Variants in ZNF66 observed in about 807,000 individuals in gnomAD.
ZNF66 encodes zinc finger protein 66.
In ZNF66, 32 loss-of-function variants were observed where a neutral mutation model predicts 35.2. The observed-to-expected ratio is 0.91, with a 90% confidence interval of 0.69 to 1.22. The LOEUF (loss-of-function observed/expected upper bound fraction) is 1.22, where lower values mean the gene tolerates loss of function less well. Among genes scored for constraint, ZNF66 ranks in the 50% most tolerant of loss-of-function variants. The pLI, the probability that ZNF66 is intolerant of heterozygous loss-of-function variation, is 0.00. For missense variants in ZNF66, 666 were observed against 543.1 expected, an observed-to-expected ratio of 1.23 and a Z score of -2.25; for synonymous variants, 231 against 181.3, an observed-to-expected ratio of 1.27 and a Z score of -2.20.
chr19:20,799,508 GT>G (rs1491020355), intron 3 of ZNF66: 1 of 139,562 alleles, frequency 7.2e-6, no homozygotes, highest in African/African-American at 2.6e-5. Context: ...TTGGTATTGT[GT>G]TTTTTGTTTT....
rs1372304790 is a variant in ZNF66 at position 20,808,149 on chromosome 19, G to C, written c.*827G>C. On this transcript the variant is annotated 3_prime_UTR_variant, in exon 4 of 4. Coordinates refer to ENST00000344519, the MANE Select transcript of ZNF66 (RefSeq NM_001355197.2). ...AGATCAAACTGCAAGGCAGCAGCGA[G>C]GCTGGGGGAGGAGCGCCTGCCATTG... Among the ~76,000 whole-genome samples the C allele has an allele frequency of 1.3e-5, 2 of 152,204 alleles. No homozygotes were observed. Among genetic ancestry groups the C allele is most frequent in the African/African-American group, 4.8e-5 (2 of 41,466 alleles).
chr19:20,792,720 C>A, intron 2 of ZNF66, 82 bp downstream of exon 2: 1 of 841,582 alleles, frequency 1.2e-6, no homozygotes, highest in African/African-American at 1.8e-5. Context: ...GTAATTTATT[C>A]TTTTTATAAA....
At position 20,805,833 on chromosome 19, in the gene ZNF66, G is replaced by GTT. The variant is rs1971497235; in HGVS notation, c.234_235dup (p.Ser79PhefsTer14). On this transcript the variant is annotated frameshift_variant, in exon 4 of 4. Coordinates refer to ENST00000344519, the MANE Select transcript of ZNF66 (RefSeq NM_001355197.2). LOFTEE classifies it high-confidence loss of function. ...TTTTTATGGTTTCTTTCAGTTTTGTGTTCTCATTTTAACCAAGACCTTTGG... is the reference window on the plus strand; with the variant it reads ...TTTTTATGGTTTCTTTCAGTTTTGTGTTTTCTCATTTTAACCAAGACCTTTGG... The GTT allele has an allele frequency of 8.9e-6, 5 of 564,416 alleles. No individual in the cohort carries two copies. Among genetic ancestry groups the GTT allele is most frequent in the Non-Finnish European group, 1.6e-5 (5 of 312,454 alleles). 35.0% of individuals were successfully genotyped at this position (564,416 alleles called of 1,614,324 possible).
At chr19:20,788,126 C>T (rs1251781962) in intron 1 of ZNF66, among the ~76,000 whole-genome samples, 1 of 152,126 alleles carries the variant, frequency 6.6e-6, no homozygotes, top group Non-Finnish European at 1.5e-5. Flanking sequence ...GAGAGTTTCT[C>T]CAGTTTCCTG....
chr19:20,781,766 C>T (rs1409118515), intron 1 of ZNF66, among the ~76,000 whole-genome samples: 1 of 152,136 alleles, frequency 6.6e-6, no homozygotes, highest in Non-Finnish European at 1.5e-5. Flanking sequence ...CCTCGGCCTC[C>T]CAAAGCGCTG....
chr19:20,778,198 C>T (rs1971213334), intron 1 of ZNF66, among the ~76,000 whole-genome samples: 1 of 152,146 alleles, frequency 6.6e-6, no homozygotes, highest in African/African-American at 2.4e-5. Context: ...CTCCCAGGTT[C>T]AAGCAGTTCT....
At chr19:20,785,720 TG>T (rs1382780434) in intron 1 of ZNF66, among the ~76,000 whole-genome samples, 2 of 152,220 alleles carry the variant, frequency 1.3e-5, no homozygotes, top group East Asian at 3.9e-4. Context: ...GGAGCTTCTC[TG>T]GGGCTGGAGA....
At chr19:20,799,579 A>G (rs868538464) in intron 3 of ZNF66, among the ~76,000 whole-genome samples, 4 of 151,948 alleles carry the variant, frequency 2.6e-5, no homozygotes, top group South Asian at 4.1e-4. Context: ...CCATTTGTTT[A>G]TTTTTATGTC....
chr19:20,779,928 CAA>C (rs71174746), intron 1 of ZNF66, among the ~76,000 whole-genome samples: 92 of 128,542 alleles, frequency 7.2e-4, no homozygotes, highest in Middle Eastern at 3.9e-3. Flanking sequence ...AACTCTGTCT[CAA>C]AAAAAAAAAA....
At chr19:20,799,549 G>GT (rs1971428889) in intron 3 of ZNF66, among the ~76,000 whole-genome samples, 4 of 151,908 alleles carry the variant, frequency 2.6e-5, no homozygotes, top group Admixed American at 2.6e-4. Context: ...AATTTTGTGT[G>GT]TTTTTTCAAA....
At chr19:20,793,963 C>A in intron 3 of ZNF66, 85 bp downstream of exon 3, 1 of 656,916 alleles carries the variant, frequency 1.5e-6, no homozygotes, top group Non-Finnish European at 2.5e-6. Flanking sequence ...AGGTGTGATT[C>A]TGGAAGCTGT....
chr19:20,779,763 CA>C (rs66794542), intron 1 of ZNF66, among the ~76,000 whole-genome samples: 80,601 of 136,458 alleles, frequency 0.59, 22,974 homozygotes, highest in Non-Finnish European at 0.63. Context: ...CCCATCACTA[CA>C]AAAAAAAAAA....
intron 1 of ZNF66, among the ~76,000 whole-genome samples, chr19:20,788,074 T>G (rs922419772): frequency 2.0e-5 from 3 of 152,348 alleles, no homozygotes; most frequent in Non-Finnish European, 2.9e-5. Flanking sequence ...CTGTGTTTTT[T>G]CATCCCCTCA....
At position 20,808,372 on chromosome 19, in the gene ZNF66, G is replaced by A. The variant is rs1201088403; in HGVS notation, c.*1050G>A. Reference sequence around the variant, plus strand: ...GTAGTGGTTCTCCCAGCACGCAGCTGGAGATCTGAGAACGGGCAGACTGCC... The same window carrying A: ...GTAGTGGTTCTCCCAGCACGCAGCTAGAGATCTGAGAACGGGCAGACTGCC... On this transcript the variant is annotated 3_prime_UTR_variant, in exon 4 of 4. Coordinates refer to ENST00000344519, the MANE Select transcript of ZNF66 (RefSeq NM_001355197.2). Among the ~76,000 whole-genome samples, 1 of 152,230 alleles carries A rather than the reference G, an allele frequency of 6.6e-6. No homozygotes were observed. Among genetic ancestry groups the A allele is most frequent in the East Asian group, 1.9e-4 (1 of 5,192 alleles).
intron 3 of ZNF66, 188 bp downstream of exon 3, chr19:20,794,066 T>C: frequency 3.4e-6 from 2 of 589,492 alleles, no homozygotes; most frequent in South Asian, 4.1e-5. Flanking sequence ...GCATATTGTC[T>C]TATGCTTCTA....
Position 20,809,237 on chromosome 19 carries a change from C to A in ZNF66, c.*1915C>A, listed in dbSNP as rs1421969613. Among the ~76,000 whole-genome samples, 1 of 152,168 alleles carries A rather than the reference C, an allele frequency of 6.6e-6. No individual in the cohort carries two copies. The highest frequency in any genetic ancestry group is 2.4e-5 in the African/African-American group (1 of 41,422). The stretch of plus-strand genomic sequence containing the variant: ...CCTGAAAGTGAGGGGGAGAATGGAA[C>A]CAACTTGGAAAACACTCTGCAGGAT... On this transcript the variant is annotated 3_prime_UTR_variant, in exon 4 of 4. Transcript: ENST00000344519.
In ZNF66 at chr19:20,779,928, C is replaced by CA. The variant is rs71174746; in HGVS notation, c.3+3494dup. Among the ~76,000 whole-genome samples the CA allele has an allele frequency of 3.2e-3, 414 of 128,534 alleles. 5 individuals carry two copies. The highest frequency in any genetic ancestry group is 0.016 in the South Asian group (62 of 3,960). 84.3% of individuals were successfully genotyped at this position (128,534 alleles called of 152,430 possible). Reference sequence around the variant, plus strand: ...GGGCAACGAGAGTGAAACTCTGTCTCAAAAAAAAAAAAAAAACACCAAAAC... The same window carrying CA: ...GGGCAACGAGAGTGAAACTCTGTCTCAAAAAAAAAAAAAAAAACACCAAAAC... On this transcript the variant is annotated intron_variant, in intron 1 of 3. Coordinates refer to ENST00000344519, the MANE Select transcript of ZNF66 (RefSeq NM_001355197.2).
intron 1 of ZNF66, among the ~76,000 whole-genome samples, chr19:20,791,638 G>C (rs1376411425): frequency 6.6e-6 from 1 of 152,002 alleles, no homozygotes; most frequent in Admixed American, 6.6e-5. Flanking sequence ...GAACATAGGA[G>C]GTATCTGTAT....
intron 3 of ZNF66, among the ~76,000 whole-genome samples, chr19:20,797,954 T>G (rs1171938535): frequency 6.6e-6 from 1 of 152,168 alleles, no homozygotes; most frequent in Non-Finnish European, 1.5e-5. Context: ...CTTGTATACT[T>G]TAAGTCAATT....
Sources: allele counts gnomAD v4.1 joint callset (sites outside exome capture counted in the v4.1 genomes callset), GRCh38; gene constraint gnomAD v4.1.1; transcripts MANE v1.5; gene names NCBI Gene and HGNC (gene_info 2026-07-23, HGNC 2026-07-21).